The following SNTG2 variants were observed in gnomAD, a reference collection of about 807,000 sequenced individuals.
The protein encoded by SNTG2 is gamma-2-syntrophin.
A neutral mutation model predicts 70.9 loss-of-function variants in SNTG2; 74 were observed. That is an observed-to-expected ratio of 1.04 (90% CI 0.86 to 1.27). The LOEUF (loss-of-function observed/expected upper bound fraction) is 1.27, where lower values mean the gene tolerates loss of function less well. SNTG2 is among the 50% of genes most tolerant of loss of function. SNTG2 has a pLI of 0.00. For synonymous variants in SNTG2, 278 were observed against 273.8 expected, an observed-to-expected ratio of 1.02 and a Z score of -0.15; for missense variants, 717 against 690.7, an observed-to-expected ratio of 1.04 and a Z score of -0.43.
At chr2:1,015,850 C>G (rs1659876273) in intron 1 of SNTG2, among the ~76,000 whole-genome samples, 1 of 152,152 alleles carries the variant, frequency 6.6e-6, no homozygotes, top group Non-Finnish European at 1.5e-5. Context: ...AGCAGGATGT[C>G]CCAGCATCAT....
intron 14 of SNTG2, among the ~76,000 whole-genome samples, chr2:1,293,242 A>G (rs1421512782): frequency 3.6e-5 from 5 of 140,186 alleles, no homozygotes; most frequent in African/African-American, 1.3e-4. Flanking sequence ...AATCTTCTCT[A>G]TGTTTTATTT....
chr2:1,157,337 G>A (rs753982226), intron 6 of SNTG2, among the ~76,000 whole-genome samples: 31 of 152,062 alleles, frequency 2.0e-4, no homozygotes, highest in Non-Finnish European at 2.2e-4. Flanking sequence ...CCGGCACTGC[G>A]GCTTGTGCGC....
At chr2:1,318,894 G>A (rs1181432590) in intron 16 of SNTG2, among the ~76,000 whole-genome samples, 2 of 152,180 alleles carry the variant, frequency 1.3e-5, no homozygotes, top group East Asian at 3.8e-4. Context: ...CGGTGTCCCC[G>A]TGGCTTTCTG....
chr2:1,315,378 CTGTTTTCTGCAGCCCCTT>C, intron 15 of SNTG2, among the ~76,000 whole-genome samples: 1 of 152,106 alleles, frequency 6.6e-6, no homozygotes, highest in Admixed American at 6.5e-5. Flanking sequence ...AACTTCTTCC[CTGTTTTCTGCAGCCCCTT>C]TGTCTCTCCT....
rs74380097 is a variant in SNTG2 at position 1,196,546 on chromosome 2, C to T, written c.592-12557C>T. ...CTTAACAATCACCAAACAGAATCAA[C>T]CCAAAAAGGTCTTCTTCATCGTATA... On this transcript the variant is annotated intron_variant, in intron 8 of 16. Coordinates refer to ENST00000308624, the MANE Select transcript of SNTG2 (RefSeq NM_018968.4). 1.5e-3 allele frequency among the ~76,000 whole-genome samples: 233 copies of T among 152,176 alleles called. 3 individuals carry two copies. The East Asian group carries it at 0.042, about 27-fold the overall frequency.
At chr2:1,074,344 C>G (rs1007891138) in intron 1 of SNTG2, among the ~76,000 whole-genome samples, 10 of 152,250 alleles carry the variant, frequency 6.6e-5, no homozygotes, top group African/African-American at 2.4e-4. Context: ...TCTTTTTGAT[C>G]TAAATCTACT....
chr2:988,641 T>C (rs1385523729), intron 1 of SNTG2, among the ~76,000 whole-genome samples: 1 of 152,160 alleles, frequency 6.6e-6, no homozygotes, highest in Admixed American at 6.5e-5. Flanking sequence ...ACGTGGACGC[T>C]ATAGACACGA....
chr2:1,047,978 CTATT>C (rs1661831734), intron 1 of SNTG2, among the ~76,000 whole-genome samples: 1 of 152,072 alleles, frequency 6.6e-6, no homozygotes, highest in Admixed American at 6.6e-5. Flanking sequence ...AAATTCCTAT[CTATT>C]CCTACTTTGC....
intron 14 of SNTG2, among the ~76,000 whole-genome samples, chr2:1,281,223 GTGTTTA>G (rs1455029582): frequency 4.9e-5 from 7 of 143,970 alleles, no homozygotes; most frequent in Admixed American, 6.9e-5. Context: ...GTGTGTGTTT[GTGTTTA>G]TGTGGTGTGG....
chr2:1,260,587 C>A (rs972140307), intron 13 of SNTG2, among the ~76,000 whole-genome samples: 1 of 152,158 alleles, frequency 6.6e-6, no homozygotes, highest in Non-Finnish European at 1.5e-5. Context: ...TAGAATAAAA[C>A]ATTAACTGTG....
intron 1 of SNTG2, among the ~76,000 whole-genome samples, chr2:1,023,142 G>GTTT (rs72214044): frequency 6.8e-6 from 1 of 147,724 alleles, no homozygotes; most frequent in Non-Finnish European, 1.5e-5. Flanking sequence ...ATTCACATAG[G>GTTT]TTTTTTTTTT....
chr2:1,305,337 A>C (rs551921631), intron 14 of SNTG2, among the ~76,000 whole-genome samples: 1 of 152,372 alleles, frequency 6.6e-6, no homozygotes, highest in East Asian at 1.9e-4. Context: ...TAATTTTATC[A>C]AAATTTGCTG....
intron 4 of SNTG2, among the ~76,000 whole-genome samples, chr2:1,128,271 CAAG>C (rs1163261826): frequency 2.0e-5 from 3 of 151,970 alleles, no homozygotes; most frequent in African/African-American, 7.2e-5. Flanking sequence ...ATAATGGAAT[CAAG>C]ATTATATCTC....
At chr2:984,818 C>T in intron 1 of SNTG2, among the ~76,000 whole-genome samples, 1 of 152,222 alleles carries the variant, frequency 6.6e-6, no homozygotes, top group East Asian at 1.9e-4. Context: ...GCACCCACTT[C>T]TCAGTTCCTG....
At chr2:1,228,396 C>T (rs996207450) in intron 9 of SNTG2, among the ~76,000 whole-genome samples, 9 of 152,212 alleles carry the variant, frequency 5.9e-5, no homozygotes, top group Non-Finnish European at 1.2e-4. Context: ...ACCCAGGCCC[C>T]GTTCAGCACA....
intron 16 of SNTG2, among the ~76,000 whole-genome samples, chr2:1,342,257 T>A (rs1388340607): frequency 3.9e-5 from 6 of 152,250 alleles, no homozygotes; most frequent in Non-Finnish European, 7.3e-5. Context: ...TTGAGGGTCC[T>A]ACATTTCAAA....
intron 4 of SNTG2, among the ~76,000 whole-genome samples, chr2:1,099,965 A>G (rs1665676002): frequency 6.6e-6 from 1 of 152,194 alleles, no homozygotes; most frequent in Admixed American, 6.5e-5. Context: ...ATTCCATTTA[A>G]TCAGGAATTA....
At position 1,247,497 on chromosome 2, in the gene SNTG2, G is replaced by A. The variant is rs983188453; in HGVS notation, c.1005+54G>A. The A allele has an allele frequency of 1.3e-5, 16 of 1,243,698 alleles. No homozygotes were observed. In the Admixed American group the frequency reaches 2.8e-4, roughly 21 times the overall value. 77.0% of individuals were successfully genotyped at this position (1,243,698 alleles called of 1,614,324 possible). A position where few individuals can be genotyped will look rare whatever the true frequency, so the allele number is the denominator to read the frequency against. ...AGGGGCTGCTGGGAGGGCTATTCCT[G>A]TAGGAGGGGGAAAGCTACATCTGGT... is the stretch of plus-strand genomic sequence containing the variant. On this transcript the variant is annotated intron_variant, in intron 12 of 16. Coordinates refer to ENST00000308624, the MANE Select transcript of SNTG2 (RefSeq NM_018968.4).
intron 1 of SNTG2, among the ~76,000 whole-genome samples, chr2:976,242 C>T (rs1660903180): frequency 1.3e-5 from 2 of 152,116 alleles, no homozygotes; most frequent in Admixed American, 6.5e-5. Context: ...AAAGTTCTAT[C>T]AATTCTGTAA....
Sources: gnomAD v4.1 joint callset for allele counts (sites outside exome capture counted in the v4.1 genomes callset) on GRCh38, gnomAD v4.1.1 for gene constraint, MANE v1.5 for transcripts, NCBI Gene and HGNC (gene_info 2026-07-23, HGNC 2026-07-21) for gene names.